The following IL4R variants were observed in gnomAD, a reference collection of about 807,000 sequenced individuals.
IL4R encodes the protein interleukin-4 receptor subunit alpha.
IL4R carries 17 observed loss-of-function variants against 41.5 expected under a neutral mutation model. The observed-to-expected ratio is 0.41, with a 90% CI of 0.28 to 0.61. The LOEUF (loss-of-function observed/expected upper bound fraction) is 0.61, where lower values mean the gene tolerates loss of function less well. Ranked by LOEUF, IL4R falls within the 20% of genes least tolerant of loss-of-function variation. The pLI is 0.31. For synonymous variants in IL4R, 402 were observed against 422.9 expected, an observed-to-expected ratio of 0.95 and a Z score of 0.61; for missense variants, 974 against 1,043.1, an observed-to-expected ratio of 0.93 and a Z score of 0.91.
Position 27,357,997 on chromosome 16 carries a change from G to A in IL4R, c.771-919G>A, listed in dbSNP as rs1367603824. On this transcript the variant is annotated intron_variant, in intron 8 of 10. Transcript: ENST00000395762. ...CAACCTCCGCCTTCCGGGTTCAAGC[G>A]ATTCTCCTGCCTCAGCCTCCTGAGT... is the stretch of plus-strand genomic sequence containing the variant. Among the ~76,000 whole-genome samples the A allele has an allele frequency of 5.3e-5, 8 of 151,822 alleles. No homozygotes were observed. In the East Asian group the frequency reaches 5.8e-4, roughly 11 times the overall value.
chr16:27,322,635 A>G (rs1471981206), intron 1 of IL4R, among the ~76,000 whole-genome samples: 14 of 152,186 alleles, frequency 9.2e-5, no homozygotes, highest in African/African-American at 3.4e-4. Flanking sequence ...ACTTGAGACC[A>G]GGAATTCAAG....
chr16:27,347,081 A>G (rs902068589), intron 6 of IL4R, among the ~76,000 whole-genome samples: 5 of 152,262 alleles, frequency 3.3e-5, no homozygotes, highest in Admixed American at 1.3e-4. Context: ...TGAAGAGAGC[A>G]GAGGCCACAC....
At chr16:27,354,866 G>A (rs940361178) in intron 7 of IL4R, among the ~76,000 whole-genome samples, 1 of 152,224 alleles carries the variant, frequency 6.6e-6, no homozygotes, top group Non-Finnish European at 1.5e-5. Flanking sequence ...GAGCTCCATA[G>A]GCAGGGTCTC....
Position 27,362,591 on chromosome 16 carries a change from CCTG to C in IL4R, c.1242_1244del (p.Leu415del), listed in dbSNP as rs2141224123. 1 of 1,614,174 alleles carries C rather than the reference CCTG, an allele frequency of 6.2e-7. No homozygotes were observed. The highest frequency in any genetic ancestry group is 1.1e-5 in the South Asian group (1 of 91,092). ...GGCTAACAGAGAGCCTGTTCCTGGA[CCTG>C]CTCGGAGAGGAGAATGGGGGCTTTT... On this transcript the variant is annotated inframe_deletion, in exon 11 of 11. Transcript: ENST00000395762.
At chr16:27,327,331 C>T (rs1164977263) in intron 1 of IL4R, among the ~76,000 whole-genome samples, 1 of 152,182 alleles carries the variant, frequency 6.6e-6, no homozygotes, top group Non-Finnish European at 1.5e-5. Context: ...CCCTGCCACC[C>T]GCTGTGGGTT....
At chr16:27,337,364 G>A (rs376443678) in intron 2 of IL4R, among the ~76,000 whole-genome samples, 7 of 152,008 alleles carry the variant, frequency 4.6e-5, no homozygotes, top group African/African-American at 1.7e-4. Flanking sequence ...GGTTAGCCTT[G>A]GAACCATTCC....
At chr16:27,318,897 C>G (rs963239397) in intron 1 of IL4R, 2 of 152,208 alleles carry the variant, frequency 1.3e-5, no homozygotes, top group East Asian at 3.9e-4. Context: ...GAACGTAACA[C>G]GCGCTCACAT....
chr16:27,362,819 C>G lies in IL4R; in HGVS notation c.1467C>G (p.Leu489=). 1.2e-6 allele frequency: 2 copies of G among 1,614,174 alleles called. No individual in the cohort carries two copies. The highest frequency in any genetic ancestry group is 1.7e-6 in the Non-Finnish European group (2 of 1,180,042). The change falls in exon 11 of 11, where the codon CTC becomes CTG. Residue 489 remains leucine (L), a synonymous_variant. Transcript: ENST00000395762. ...ACCTGACTTGCACAGAGACGCCCCT[C>G]GTCATCGCAGGCAACCCTGCTTACC... ...PDNLTCTETP[L]VIAGNPAYRS...
At chr16:27,332,788 A>G (rs2085149833) in intron 2 of IL4R, among the ~76,000 whole-genome samples, 1 of 151,874 alleles carries the variant, frequency 6.6e-6, no homozygotes, top group African/African-American at 2.4e-5. Flanking sequence ...CTTTCTTTCT[A>G]AGATATACAT....
chr16:27,350,223 C>T (rs2085813758), intron 6 of IL4R, among the ~76,000 whole-genome samples: 2 of 152,188 alleles, frequency 1.3e-5, no homozygotes, highest in African/African-American at 2.4e-5. Context: ...CTTAGTAAAA[C>T]ATTTCCCAGT....
intron 9 of IL4R, among the ~76,000 whole-genome samples, chr16:27,360,335 G>A (rs921616921): frequency 3.9e-5 from 6 of 152,184 alleles, no homozygotes; most frequent in African/African-American, 1.4e-4. Flanking sequence ...CTTTTACCTG[G>A]GACAGTGCAG....
chr16:27,333,123 G>A (rs995941803), intron 2 of IL4R, among the ~76,000 whole-genome samples: 54 of 151,832 alleles, frequency 3.6e-4, no homozygotes, highest in African/African-American at 1.2e-3. Context: ...TGAACCTGAG[G>A]AGAATGTATA....
chr16:27,340,714 C>A (rs760746389), intron 3 of IL4R, among the ~76,000 whole-genome samples: 2 of 151,614 alleles, frequency 1.3e-5, no homozygotes, highest in African/African-American at 2.4e-5. Flanking sequence ...AAAGTGAGAC[C>A]CTGTCAAAAA....
At chr16:27,344,268 G>A (rs1404816840) in intron 4 of IL4R, among the ~76,000 whole-genome samples, 1 of 148,936 alleles carries the variant, frequency 6.7e-6, no homozygotes, top group Non-Finnish European at 1.5e-5. Flanking sequence ...TCACATCACT[G>A]TACTCTAGCC....
At chr16:27,332,199 A>C (rs1287067323) in intron 2 of IL4R, among the ~76,000 whole-genome samples, 3 of 152,066 alleles carry the variant, frequency 2.0e-5, no homozygotes. Flanking sequence ...GGACATGCCC[A>C]AGACTGGGTA....
intron 9 of IL4R, 50 bp downstream of exon 9, chr16:27,359,044 T>G: frequency 7.0e-7 from 1 of 1,430,984 alleles, no homozygotes; most frequent in South Asian, 1.2e-5. Flanking sequence ...CATGAAGAAG[T>G]GTGGTTCAGA....
At chr16:27,357,470 A>G (rs528185111) in intron 8 of IL4R, among the ~76,000 whole-genome samples, 14 of 152,164 alleles carry the variant, frequency 9.2e-5, no homozygotes, top group Non-Finnish European at 1.9e-4. Flanking sequence ...ATTTAATTTA[A>G]TTTTATTTTT....
intron 8 of IL4R, among the ~76,000 whole-genome samples, chr16:27,357,019 G>A (rs952288788): frequency 1.3e-5 from 2 of 152,104 alleles, no homozygotes; most frequent in South Asian, 2.1e-4. Flanking sequence ...GGACTAGCAA[G>A]CTCAACCTCA....
chr16:27,357,676 A>G (rs956012480), intron 8 of IL4R, among the ~76,000 whole-genome samples: 2 of 151,534 alleles, frequency 1.3e-5, no homozygotes, highest in African/African-American at 4.9e-5. Flanking sequence ...GTTGGCCAGG[A>G]TGGTCTTGAA....
Sources: allele counts gnomAD v4.1 joint callset (sites outside exome capture counted in the v4.1 genomes callset), GRCh38; gene constraint gnomAD v4.1.1; transcripts MANE v1.5; gene names NCBI Gene and HGNC (gene_info 2026-07-23, HGNC 2026-07-21).